Variants in NRG2 observed in about 807,000 individuals in gnomAD.
NRG2 encodes the protein neuregulin 2, also known as pro-neuregulin-2, membrane-bound isoform.
A neutral mutation model predicts 73.9 loss-of-function variants in NRG2; 27 were observed. The observed-to-expected ratio is 0.37, with a 90% CI of 0.27 to 0.50. NRG2 has a LOEUF of 0.50. Among genes scored for constraint, NRG2 ranks in the 20% least tolerant of loss-of-function variants. The probability of loss-of-function intolerance (pLI) is 0.96; values close to 1 mark genes in which losing one functional copy is unlikely to be tolerated. For missense variants in NRG2, 1,126 were observed against 1,210.1 expected, an observed-to-expected ratio of 0.93 and a Z score of 1.03; for synonymous variants, 532 against 541.0, an observed-to-expected ratio of 0.98 and a Z score of 0.23.
intron 1 of NRG2, among the ~76,000 whole-genome samples, chr5:140,020,942 C>A (rs755022137): frequency 5.9e-5 from 9 of 152,156 alleles, no homozygotes; most frequent in Admixed American, 1.3e-4. Flanking sequence ...AGAAGAAATA[C>A]TCTATCCCGT....
intron 1 of NRG2, among the ~76,000 whole-genome samples, chr5:139,940,042 C>G (rs958350298): frequency 6.6e-6 from 1 of 152,204 alleles, no homozygotes; most frequent in Non-Finnish European, 1.5e-5. Flanking sequence ...TCAAATGGTA[C>G]AGTTTGGTAG....
intron 1 of NRG2, among the ~76,000 whole-genome samples, chr5:140,034,492 T>TA (rs1479701595): frequency 6.6e-6 from 1 of 152,138 alleles, no homozygotes; most frequent in Non-Finnish European, 1.5e-5. Flanking sequence ...GCCAGTGTAA[T>TA]AAGGCAAGAA....
intron 1 of NRG2, among the ~76,000 whole-genome samples, chr5:140,027,565 G>C (rs1032058369): frequency 1.3e-5 from 2 of 152,176 alleles, no homozygotes; most frequent in East Asian, 1.9e-4. Context: ...TTTTGAGAGA[G>C]AGACCACATT....
Position 139,853,979 on chromosome 5 carries a change from A to G in NRG2, c.1293-952T>C, listed in dbSNP as rs1761649307. Among the ~76,000 whole-genome samples, 2 of 152,328 alleles carry G rather than the reference A, an allele frequency of 1.3e-5. No individual in the cohort carries two copies. Among genetic ancestry groups the G allele is most frequent in the East Asian group, 3.8e-4 (2 of 5,196 alleles). ...GTTTGCTCAAGGTCACAAAGGATAA[A>G]TGCCTGGGGGGATGAATAGAATACA... is the stretch of plus-strand genomic sequence containing the variant. On this transcript the variant is annotated intron_variant, in intron 6 of 9. Coordinates refer to ENST00000361474, the MANE Select transcript of NRG2 (RefSeq NM_004883.3). The surrounding 1 kb of genome is among the most constrained non-coding windows in gnomAD (Gnocchi z 4.1).
At chr5:139,970,614 G>T (rs1037301657) in intron 1 of NRG2, among the ~76,000 whole-genome samples, 3 of 152,176 alleles carry the variant, frequency 2.0e-5, no homozygotes, top group Non-Finnish European at 2.9e-5. Context: ...GCTATCCCCT[G>T]ATGAGCTTAT....
Position 140,001,412 on chromosome 5 carries a change from T to C in NRG2, c.700+40958A>G, listed in dbSNP as rs548233218. 2.0e-5 allele frequency among the ~76,000 whole-genome samples: 3 copies of C among 152,306 alleles called. No individual in the cohort carries two copies. The South Asian group carries it at 6.2e-4, about 32-fold the overall frequency. ...AAGCAATTTGAAAATACAGATCATG[T>C]CTTAATTTATTTTTTATCCTCCAAA... On this transcript the variant is annotated intron_variant, in intron 1 of 9. Coordinates refer to ENST00000361474, the MANE Select transcript of NRG2 (RefSeq NM_004883.3).
At chr5:140,028,926 A>T (rs2126684614) in intron 1 of NRG2, among the ~76,000 whole-genome samples, 1 of 152,240 alleles carries the variant, frequency 6.6e-6, no homozygotes, top group African/African-American at 2.4e-5. Flanking sequence ...TGGTACTGTG[A>T]GGAAACCCAG....
At chr5:139,884,371 C>T (rs1763732229) in intron 2 of NRG2, among the ~76,000 whole-genome samples, 1 of 152,100 alleles carries the variant, frequency 6.6e-6, no homozygotes, top group Non-Finnish European at 1.5e-5. Flanking sequence ...AGCCTGGGCC[C>T]AAGTCCAGAG....
intron 1 of NRG2, among the ~76,000 whole-genome samples, chr5:139,947,248 C>T (rs1013739331): frequency 2.4e-4 from 37 of 152,120 alleles, no homozygotes; most frequent in Non-Finnish European, 3.7e-4. Flanking sequence ...CCTACAACTC[C>T]CCAGTTTGAA....
intron 3 of NRG2, among the ~76,000 whole-genome samples, chr5:139,880,005 A>T (rs1210583270): frequency 2.0e-5 from 3 of 152,110 alleles, no homozygotes; most frequent in Non-Finnish European, 4.4e-5. Flanking sequence ...TGTCTGGTGG[A>T]AATAGAGGCA....
chr5:139,987,664 G>A (rs934277626), intron 1 of NRG2, among the ~76,000 whole-genome samples: 3 of 152,146 alleles, frequency 2.0e-5, no homozygotes, highest in Admixed American at 1.3e-4. Flanking sequence ...ACCAGTGGGA[G>A]CTAAAGTGGT....
intron 1 of NRG2, among the ~76,000 whole-genome samples, chr5:140,014,063 A>G (rs1386445997): frequency 6.6e-6 from 1 of 151,996 alleles, no homozygotes; most frequent in African/African-American, 2.4e-5. Context: ...TACCACCTAT[A>G]TGCTGTTGAT....
chr5:139,986,547 A>G (rs1256716245), intron 1 of NRG2, among the ~76,000 whole-genome samples: 3 of 152,140 alleles, frequency 2.0e-5, no homozygotes, highest in African/African-American at 7.2e-5. Flanking sequence ...AGTCATATTA[A>G]TTGGTAACAA....
chr5:139,918,033 G>C (rs897363968), intron 1 of NRG2, among the ~76,000 whole-genome samples: 1 of 152,108 alleles, frequency 6.6e-6, no homozygotes, highest in African/African-American at 2.4e-5. Flanking sequence ...AGTTCTTACT[G>C]TTAAGTCTTT....
chr5:139,976,181 G>T (rs146072025), intron 1 of NRG2, among the ~76,000 whole-genome samples: 2 of 152,128 alleles, frequency 1.3e-5, no homozygotes, highest in African/African-American at 4.8e-5. Context: ...GGACACTCTC[G>T]ACAATCCTGC....
chr5:139,866,473 G>C (rs1282179593), intron 4 of NRG2, among the ~76,000 whole-genome samples: 1 of 152,212 alleles, frequency 6.6e-6, no homozygotes, highest in Non-Finnish European at 1.5e-5. Flanking sequence ...GGAAGTTGGA[G>C]AGGAGCTGGA....
At chr5:139,850,234 C>T (rs970659711) in intron 9 of NRG2, among the ~76,000 whole-genome samples, 6 of 152,236 alleles carry the variant, frequency 3.9e-5, no homozygotes, top group African/African-American at 7.2e-5. Context: ...TCTCAGGTGG[C>T]CTTCACTTGA....
chr5:139,989,797 TA>T (rs1215627484), intron 1 of NRG2, among the ~76,000 whole-genome samples: 6 of 150,440 alleles, frequency 4.0e-5, no homozygotes, highest in African/African-American at 1.5e-4. Context: ...TTTATTTTTT[TA>T]TTTTTTTTTG....
chr5:140,030,460 C>T (rs115828680), intron 1 of NRG2, among the ~76,000 whole-genome samples: 2,498 of 152,258 alleles, frequency 0.016, 69 homozygotes, highest in African/African-American at 0.056. Context: ...ACAGGAGAAG[C>T]GCAAAGCCCA....
Sources: allele counts gnomAD v4.1 joint callset (sites outside exome capture counted in the v4.1 genomes callset), GRCh38; gene constraint gnomAD v4.1.1; non-coding constraint Gnocchi (gnomAD v3.1); transcripts MANE v1.5; gene names NCBI Gene and HGNC (gene_info 2026-07-23, HGNC 2026-07-21).